The following BRD4 variants were observed in gnomAD, a reference collection of about 807,000 sequenced individuals.
BRD4 encodes the protein bromodomain containing 4.
In BRD4, 16 loss-of-function variants were observed where a neutral mutation model predicts 142.1. The observed-to-expected ratio is 0.11, with a 90% CI of 0.08 to 0.17. The LOEUF (loss-of-function observed/expected upper bound fraction) is 0.17, where lower values mean the gene tolerates loss of function less well. BRD4 is among the 10% of genes least tolerant of loss of function. BRD4 has a pLI of 1.00. For synonymous variants in BRD4, 833 were observed against 707.5 expected (o/e 1.18, Z -2.82); for missense variants, 1,424 against 1,810.9 (o/e 0.79, Z 3.88).
In BRD4 at chr19:15,239,273, CAG is replaced by C. The variant is rs776909894; in HGVS notation, c.3577-11_3577-10del. 29 of 1,613,188 alleles carry C rather than the reference CAG, an allele frequency of 1.8e-5. No individual in the cohort carries two copies. In the African/African-American group the frequency reaches 2.4e-4, roughly 13 times the overall value. Reference sequence around the variant, plus strand: ...TTCTTGATTTTCAGGTCCTGCAGAACAGAGAGGTTGGGGTGGGTGAGGGGTCT... The same window carrying C: ...TTCTTGATTTTCAGGTCCTGCAGAACAGAGGTTGGGGTGGGTGAGGGGTCT... On this transcript the variant is annotated splice_polypyrimidine_tract_variant and intron_variant, in intron 17 of 19. Coordinates refer to ENST00000679869, the MANE Select transcript of BRD4 (RefSeq NM_001379291.1). The surrounding 1 kb of genome is among the most constrained non-coding windows in gnomAD (Gnocchi z 7.4).
intron 5 of BRD4, among the ~76,000 whole-genome samples, 176 bp downstream of exon 5, chr19:15,265,178 G>A (rs1156918976): frequency 1.3e-5 from 2 of 152,206 alleles, no homozygotes; most frequent in African/African-American, 4.8e-5. Flanking sequence ...ACACAATTAT[G>A]GGACCTTTGA....
At chr19:15,254,366 G>T in intron 10 of BRD4, 104 bp from the exon 11 acceptor site, 1 of 997,804 alleles carries the variant, frequency 1.0e-6, no homozygotes, top group East Asian at 2.5e-5. Flanking sequence ...CCAGTGAGGA[G>T]CCTGTGCACG....
At position 15,244,272 on chromosome 19, in the gene BRD4, G is replaced by A. The variant is rs755100528; in HGVS notation, c.2540C>T (p.Thr847Ile). ...TGCGTGCTGGTTGAGATGGGGTGGA[G>A]TGCTGTGCTCAGGCGGCTGGGGCAG... ...PHLPQPPEHS[T>I]PPHLNQHAVV... The change falls in exon 13 of 20, where the codon ACT becomes ATT. Residue 847 changes from threonine to isoleucine, a missense_variant. Coordinates refer to ENST00000679869, the MANE Select transcript of BRD4 (RefSeq NM_001379291.1). 6.3e-7 allele frequency: 1 copy of A among 1,587,392 alleles called. No individual in the cohort carries two copies. The highest frequency in any genetic ancestry group is 2.3e-5 in the East Asian group (1 of 43,966).
chr19:15,240,890 C>T (rs970905286), intron 14 of BRD4, among the ~76,000 whole-genome samples: 12 of 152,340 alleles, frequency 7.9e-5, no homozygotes, highest in South Asian at 2.1e-4. Flanking sequence ...CCCTCTGCAA[C>T]GCTTTTGCTC....
chr19:15,316,155 C>CTAA (rs2048016396), intron 1 of BRD4, among the ~76,000 whole-genome samples: 1 of 33,054 alleles, frequency 3.0e-5, no homozygotes, highest in African/African-American at 1.2e-4. Context: ...GACACCGTCT[C>CTAA]AAAAAAAAAA....
At chr19:15,291,665 C>G (rs1396992856) in intron 1 of BRD4, among the ~76,000 whole-genome samples, 1 of 152,138 alleles carries the variant, frequency 6.6e-6, no homozygotes, top group Non-Finnish European at 1.5e-5. Flanking sequence ...TGATATATAA[C>G]TATTTTGAAC....
At chr19:15,261,142 A>G (rs1353725731) in intron 7 of BRD4, among the ~76,000 whole-genome samples, 2 of 152,136 alleles carry the variant, frequency 1.3e-5, no homozygotes, top group African/African-American at 4.8e-5. Flanking sequence ...GAAGGCACCA[A>G]TCTGAGGGCG....
At chr19:15,260,688 T>G (rs1193748643) in intron 7 of BRD4, among the ~76,000 whole-genome samples, 1 of 151,954 alleles carries the variant, frequency 6.6e-6, no homozygotes, top group East Asian at 1.9e-4. Context: ...GGAGCCCGTG[T>G]GTAGGAAGAA....
At chr19:15,327,929 G>GGC (rs1352463997) in intron 1 of BRD4, among the ~76,000 whole-genome samples, 1 of 93,524 alleles carries the variant, frequency 1.1e-5, no homozygotes, top group African/African-American at 4.1e-5. Flanking sequence ...GGGGGGGGGG[G>GGC]GTGGAAATGT....
intron 4 of BRD4, among the ~76,000 whole-genome samples, chr19:15,266,256 G>A (rs1297019380): frequency 6.6e-6 from 1 of 152,230 alleles, no homozygotes; most frequent in African/African-American, 2.4e-5. Context: ...ACAAAACTGG[G>A]TGGACCAGGG....
Position 15,244,571 on chromosome 19 carries a change from C to T in BRD4, c.2241G>A (p.Gln747=), listed in dbSNP as rs150480632. ...GCTGGGGCACAGGAGCCGGGGCCTG[C>T]TGCATCTGCTGATGGTGGTGATGAT... ...KHHHHHHQQM[Q]QAPAPVPQQP... The change falls in exon 13 of 20, where the codon CAG becomes CAA. Residue 747 remains glutamine, a synonymous_variant. Transcript: ENST00000679869. 1,138 of 1,607,518 alleles carry T rather than the reference C, an allele frequency of 7.1e-4. 15 individuals are homozygous for T. The African/African-American group carries it at 0.014, about 19-fold the overall frequency.
In BRD4 at chr19:15,243,252, C is replaced by T. The variant is rs925130615; in HGVS notation, c.2817G>A (p.Gln939=). ...CGGAAGGGAGTAGCGGCGTAGGGGG[C>T]TGCACCTTCTGCAGCTGCTGCAGGT... is the stretch of plus-strand genomic sequence containing the variant. ...QLYLQQLQKV[Q]PPTPLLPSVK... is the part of the protein sequence containing the mutation. The change falls in exon 14 of 20, where the codon CAG becomes CAA. Residue 939 remains glutamine (Q), a synonymous_variant. Transcript: ENST00000679869. 3.5e-6 allele frequency: 5 copies of T among 1,447,598 alleles called. No individual in the cohort carries two copies. The highest frequency in any genetic ancestry group is 4.6e-6 in the Non-Finnish European group (5 of 1,083,942). 89.7% of individuals were successfully genotyped at this position (1,447,598 alleles called of 1,614,324 possible).
chr19:15,331,933 C>T (rs1230249929), intron 1 of BRD4: 1 of 144,772 alleles, frequency 6.9e-6, no homozygotes, highest in Non-Finnish European at 1.5e-5. Context: ...TGCCGGGCGC[C>T]TCGGCCCGCC....
intron 7 of BRD4, among the ~76,000 whole-genome samples, chr19:15,262,425 G>C (rs2047481591): frequency 6.7e-6 from 1 of 150,250 alleles, no homozygotes; most frequent in Admixed American, 6.7e-5. Flanking sequence ...AAAAGAAGAT[G>C]AGTCTCTAAT....
At chr19:15,318,927 T>A (rs753044156) in intron 1 of BRD4, among the ~76,000 whole-genome samples, 2 of 152,252 alleles carry the variant, frequency 1.3e-5, no homozygotes, top group East Asian at 3.8e-4. Context: ...TGTTGACACG[T>A]TACCTGACAA....
rs576814388 is a variant in BRD4, at chr19:15,277,997, T to C, written c.-34-4864A>G. Among the ~76,000 whole-genome samples, 9 of 146,978 alleles carry C rather than the reference T, an allele frequency of 6.1e-5. No homozygotes were observed. The South Asian group carries it at 1.9e-3, about 32-fold the overall frequency. On this transcript the variant is annotated intron_variant, in intron 1 of 19. Coordinates refer to ENST00000679869, the MANE Select transcript of BRD4 (RefSeq NM_001379291.1). ...AGCGGGCGCCTGTAGTCCCAGCTAC[T>C]TGGGAGGCTGAGGCAGGAGCATGGT...
chr19:15,258,056 C>T (rs1459258340), intron 7 of BRD4, among the ~76,000 whole-genome samples: 1 of 152,226 alleles, frequency 6.6e-6, no homozygotes, highest in Non-Finnish European at 1.5e-5. Flanking sequence ...AAGACAGAGG[C>T]AGAAGCACAG....
At chr19:15,261,014 T>G (rs1035488287) in intron 7 of BRD4, among the ~76,000 whole-genome samples, 12 of 152,334 alleles carry the variant, frequency 7.9e-5, no homozygotes, top group Middle Eastern at 3.4e-3. Context: ...AATTTGTTTC[T>G]GCTGAGTTCT....
At chr19:15,280,170 G>T in intron 1 of BRD4, 2 of 816,974 alleles carry the variant, frequency 2.4e-6, no homozygotes, top group South Asian at 5.6e-5. Context: ...TCCCCATGGG[G>T]ACAGAGGCAG....
Sources: allele counts gnomAD v4.1 joint callset (sites outside exome capture counted in the v4.1 genomes callset), GRCh38; gene constraint gnomAD v4.1.1; non-coding constraint Gnocchi (gnomAD v3.1); transcripts MANE v1.5; gene names NCBI Gene and HGNC (gene_info 2026-07-23, HGNC 2026-07-21).